The following KANK4 variants were observed in gnomAD, a reference collection of about 807,000 sequenced individuals.
KANK4 encodes KN motif and ankyrin repeat domain-containing protein 4.
KANK4 carries 50 observed loss-of-function variants against 80.8 expected under a neutral mutation model. That is an observed-to-expected ratio of 0.62 (90% CI 0.49 to 0.78). The LOEUF (loss-of-function observed/expected upper bound fraction) is 0.78. Among genes scored for constraint, KANK4 ranks in the 30% least tolerant of loss-of-function variants. KANK4 has a pLI of 0.00. For synonymous variants in KANK4, 465 were observed against 506.9 expected (o/e 0.92, Z 1.11); for missense variants, 1,196 against 1,240.1 (o/e 0.96, Z 0.53).
chr1:62,294,026 C>T (rs1474436143), intron 1 of KANK4, among the ~76,000 whole-genome samples: 10 of 152,310 alleles, frequency 6.6e-5, no homozygotes, highest in Middle Eastern at 3.4e-3. Flanking sequence ...ATGGCTACAA[C>T]GCAGCATCGG....
chr1:62,316,908 C>T (rs931196782), intron 1 of KANK4, among the ~76,000 whole-genome samples: 8 of 152,164 alleles, frequency 5.3e-5, no homozygotes, highest in Non-Finnish European at 1.0e-4. Flanking sequence ...AAAGAGAAAG[C>T]AGCATTTGCC....
intron 3 of KANK4, 46 bp from the exon 4 acceptor site, chr1:62,271,635 T>G: frequency 7.0e-7 from 1 of 1,419,386 alleles, no homozygotes; most frequent in Non-Finnish European, 1.0e-6. Flanking sequence ...TGGGGATGCA[T>G]GGGAATGTAG....
intron 6 of KANK4, among the ~76,000 whole-genome samples, chr1:62,265,097 C>T (rs1297590586): frequency 6.6e-6 from 1 of 152,154 alleles, no homozygotes; most frequent in Non-Finnish European, 1.5e-5. Context: ...TTCCAAAGTG[C>T]TGGGATTACA....
chr1:62,259,154 G>A (rs1173144158), intron 7 of KANK4, among the ~76,000 whole-genome samples: 17 of 152,150 alleles, frequency 1.1e-4, no homozygotes, highest in Admixed American at 6.5e-5. Flanking sequence ...AGGGAAAGCC[G>A]TTGGATCCTA....
At chr1:62,317,054 C>G (rs1054529188) in intron 1 of KANK4, among the ~76,000 whole-genome samples, 1 of 152,126 alleles carries the variant, frequency 6.6e-6, no homozygotes, top group Non-Finnish European at 1.5e-5. Flanking sequence ...GCAAAGGCAA[C>G]GCGTGGCCCA....
chr1:62,288,361 G>T (rs1672613116), intron 1 of KANK4, among the ~76,000 whole-genome samples: 1 of 152,238 alleles, frequency 6.6e-6, no homozygotes, highest in African/African-American at 2.4e-5. Flanking sequence ...AAGAGGTTCA[G>T]CTATCTGAAG....
At chr1:62,309,896 AGG>A (rs1178194344) in intron 1 of KANK4, among the ~76,000 whole-genome samples, 2 of 152,218 alleles carry the variant, frequency 1.3e-5, no homozygotes, top group Non-Finnish European at 2.9e-5. Flanking sequence ...CAGAGCTCTC[AGG>A]GCAGGAGCCT....
chr1:62,316,067 G>A (rs1453587073), intron 1 of KANK4, among the ~76,000 whole-genome samples: 1 of 152,222 alleles, frequency 6.6e-6, no homozygotes, highest in African/African-American at 2.4e-5. Flanking sequence ...CAAGAACCCC[G>A]TTCTCTCCTT....
chr1:62,280,226 G>C (rs1228623899), intron 2 of KANK4, among the ~76,000 whole-genome samples: 1 of 152,142 alleles, frequency 6.6e-6, no homozygotes, highest in South Asian at 2.1e-4. Context: ...GACAGGGAGG[G>C]AAGCCTTCCC....
At position 62,243,003 on chromosome 1, in the gene KANK4, C is replaced by A. The variant is rs143302434; in HGVS notation, c.2883+4469G>T. On this transcript the variant is annotated intron_variant, in intron 9 of 9. Transcript: ENST00000371153. ...GTGAATCAACCCTGACCCAGGTGGG[C>A]AGCATGTGACCCATCCATGAGTGGG... Among the ~76,000 whole-genome samples the A allele has an allele frequency of 1.4e-3, 209 of 152,312 alleles. 1 individual carries two copies. Among genetic ancestry groups the A allele is most frequent in the African/African-American group, 4.5e-3 (189 of 41,578 alleles).
chr1:62,266,692 A>C (rs1389593248), intron 6 of KANK4, 40 bp downstream of exon 6: 1 of 1,383,256 alleles, frequency 7.2e-7, no homozygotes, highest in South Asian at 1.2e-5. Context: ...CGTCTTAAAC[A>C]GAAGGGAAAT....
At position 62,253,071 on chromosome 1, in the gene KANK4, G is replaced by A; in HGVS notation, c.2678C>T (p.Thr893Ile). 2 of 1,613,790 alleles carry A rather than the reference G, an allele frequency of 1.2e-6. No individual in the cohort carries two copies. The highest frequency in any genetic ancestry group is 1.7e-6 in the Non-Finnish European group (2 of 1,179,890). The change falls in exon 8 of 10, where the codon ACT (threonine) becomes ATT (isoleucine). Residue 893 changes from threonine (T) to isoleucine (I), a missense_variant. Physicochemically the swap from Thr to Ile is moderately conservative, Grantham distance 89. Transcript: ENST00000371153. ...LREGNVNIQA[T>I]QGGQTALMLG... ...GATCCTGTTCATTCCACCCACCTGA[G>A]TAGCTTGAATGTTCACATTTCCTTC... is the stretch of plus-strand genomic sequence containing the variant.
chr1:62,307,578 T>C (rs1460445937), intron 1 of KANK4, among the ~76,000 whole-genome samples: 2 of 151,788 alleles, frequency 1.3e-5, no homozygotes, highest in Non-Finnish European at 2.9e-5. Flanking sequence ...TCCTTTCTCC[T>C]CCCCTGTAAC....
At chr1:62,291,673 T>A (rs1428002444) in intron 1 of KANK4, among the ~76,000 whole-genome samples, 1 of 152,136 alleles carries the variant, frequency 6.6e-6, no homozygotes, top group Non-Finnish European at 1.5e-5. Context: ...AATGACGTGA[T>A]CTCAGCTCAA....
In KANK4 at chr1:62,247,637, G is replaced by A. The variant is rs201996398; in HGVS notation, c.2718C>T (p.His906=). 42 of 1,613,774 alleles carry A rather than the reference G, an allele frequency of 2.6e-5. No individual in the cohort carries two copies. The highest frequency in any genetic ancestry group is 3.4e-5 in the Non-Finnish European group (40 of 1,180,028). ...GCGCTTGAACCATGTCCTCCCTGTC[G>A]TGGCTGACTCCCAGCATCAGCGCAG... is the stretch of plus-strand genomic sequence containing the variant. ...GQTALMLGVS[H]DREDMVQALL... is the part of the protein sequence containing the mutation. The change falls in exon 9 of 10, where the codon CAC becomes CAT. Residue 906 remains histidine (H), a synonymous_variant. Coordinates refer to ENST00000371153, the MANE Select transcript of KANK4 (RefSeq NM_181712.5).
chr1:62,289,677 TG>T (rs367800171), intron 1 of KANK4, among the ~76,000 whole-genome samples: 31 of 152,272 alleles, frequency 2.0e-4, no homozygotes, highest in African/African-American at 6.7e-4. Flanking sequence ...TTTCTTTCCT[TG>T]GTGGTCTAGG....
At position 62,263,222 on chromosome 1, in the gene KANK4, G is replaced by A. The variant is rs200474474; in HGVS notation, c.2409C>T (p.His803=). ...AGTGTGGGGAGTGAGGCTGGACCTC[G>A]TGGAGGTAGGAGGCCACCACGGCGG... The part of the protein sequence containing the change: ...SSPAVVASYL[H]EVQPHSPHFL... Residue 803 remains histidine (H), a synonymous_variant, in exon 7 of 10, where the codon CAC becomes CAT. Transcript: ENST00000371153. 10 of 1,613,966 alleles carry A rather than the reference G, an allele frequency of 6.2e-6. No homozygotes were observed. The African/African-American group carries it at 9.3e-5, about 15-fold the overall frequency.
Position 62,287,105 on chromosome 1 carries a change from C to G in KANK4, c.-70-5471G>C, listed in dbSNP as rs372660187. 2.6e-5 allele frequency among the ~76,000 whole-genome samples: 4 copies of G among 152,070 alleles called. No individual in the cohort carries two copies. The East Asian group carries it at 5.8e-4, about 22-fold the overall frequency. ...AGAGGAGCAAGGTTTCAGAGTGTCC[C>G]GGGCAAGCACAGTGGAGGGTCTTCC... On this transcript the variant is annotated intron_variant, in intron 1 of 9. Transcript: ENST00000371153.
chr1:62,311,332 A>C lies in KANK4; in HGVS notation c.-71+7774T>G, dbSNP rs115551639. The stretch of plus-strand genomic sequence containing the variant: ...TGATAACAGTCATACCTTATTGAGT[A>C]GTGGGTAAAGATGAAACAACTGCTA... On this transcript the variant is annotated intron_variant, in intron 1 of 9. Coordinates refer to ENST00000371153, the MANE Select transcript of KANK4 (RefSeq NM_181712.5). 9.5e-3 allele frequency among the ~76,000 whole-genome samples: 1,445 copies of C among 152,154 alleles called. 10 individuals carry two copies. The highest frequency in any genetic ancestry group is 0.016 in the Non-Finnish European group (1,061 of 68,022).
Sources: gnomAD v4.1 joint callset for allele counts (sites outside exome capture counted in the v4.1 genomes callset) on GRCh38, gnomAD v4.1.1 for gene constraint, MANE v1.5 for transcripts, NCBI Gene and HGNC (gene_info 2026-07-23, HGNC 2026-07-21) for gene names.